Variants in PPFIA1 observed in about 807,000 individuals in gnomAD.
PPFIA1 encodes the protein liprin-alpha-1.
Under a neutral mutation model 149.9 loss-of-function variants are expected in PPFIA1, and 25 were observed. The ratio of observed to expected loss-of-function variants is 0.17; its 90% CI spans 0.12 to 0.23. The LOEUF (loss-of-function observed/expected upper bound fraction) is 0.23. Among genes scored for constraint, PPFIA1 ranks in the 10% least tolerant of loss-of-function variants. The pLI is 1.00. For missense variants in PPFIA1, 1,362 were observed against 1,506.5 expected, an observed-to-expected ratio of 0.90 and a Z score of 1.59; for synonymous variants, 549 against 552.8, an observed-to-expected ratio of 0.99 and a Z score of 0.10.
intron 2 of PPFIA1, among the ~76,000 whole-genome samples, chr11:70,292,761 G>T (rs2051621930): frequency 6.6e-6 from 1 of 152,114 alleles, no homozygotes; most frequent in Non-Finnish European, 1.5e-5. Context: ...ACTCACTCAG[G>T]ATCCCATAGA....
intron 12 of PPFIA1, among the ~76,000 whole-genome samples, chr11:70,338,047 A>C (rs2055089343): frequency 6.6e-6 from 1 of 152,238 alleles, no homozygotes; most frequent in South Asian, 2.1e-4. Flanking sequence ...CAGGACGTGA[A>C]TATTGTTCCC....
chr11:70,299,566 G>A (rs1380228187), intron 2 of PPFIA1, among the ~76,000 whole-genome samples: 5 of 152,118 alleles, frequency 3.3e-5, no homozygotes, highest in Non-Finnish European at 7.4e-5. Flanking sequence ...TTCCCTTCTG[G>A]ATGCTCCGGG....
At chr11:70,312,738 G>T (rs1402471567) in intron 2 of PPFIA1, among the ~76,000 whole-genome samples, 1 of 152,176 alleles carries the variant, frequency 6.6e-6, no homozygotes, top group South Asian at 2.1e-4. Flanking sequence ...TTGTGAATGG[G>T]TGTGCCTTTG....
In PPFIA1 at chr11:70,348,274, G is replaced by T; in HGVS notation, c.2017G>T (p.Gly673Cys). ...RVGSGSLDNL[G>C]RFRSMSSIPP... ...TGGCAGTGGAAGTCTAGACAATCTT[G>T]GTCGTTTTAGATCAATGAGCTCCAT... Residue 673 changes from glycine (G) to cysteine (C), a missense_variant, in exon 16 of 28, where the codon GGT (glycine) becomes TGT (cysteine). This residue lies in a region of PPFIA1 where 733 missense variants were observed against 744.1 expected (regional missense o/e 0.99). Coordinates refer to ENST00000253925, the MANE Select transcript of PPFIA1 (RefSeq NM_003626.5). 1 of 1,614,202 alleles carries T rather than the reference G, an allele frequency of 6.2e-7. No homozygotes were observed. The highest frequency in any genetic ancestry group is 8.5e-7 in the Non-Finnish European group (1 of 1,180,034).
At chr11:70,333,234 A>G in intron 9 of PPFIA1, 2 of 581,628 alleles carry the variant, frequency 3.4e-6, no homozygotes. Flanking sequence ...GAAAACACCC[A>G]GTCAGTCGCC....
chr11:70,362,447 A>C lies in PPFIA1; in HGVS notation c.2824A>C (p.Met942Leu). ...LKLRLAIQEI[M>L]SLTSPSAPPT... ...GCTGAGGCTGGCCATCCAGGAGATC[A>C]TGTCGCTGACCAGCCCGTCTGCCCC... is the stretch of plus-strand genomic sequence containing the variant. The change falls in exon 21 of 28, where the codon ATG (methionine) becomes CTG (leucine). Residue 942 changes from methionine to leucine, a missense_variant. Met to Leu is a conservative substitution (Grantham distance 15). Transcript: ENST00000253925. 1 of 1,614,148 alleles carries C rather than the reference A, an allele frequency of 6.2e-7. No homozygotes were observed. The highest frequency in any genetic ancestry group is 8.5e-7 in the Non-Finnish European group (1 of 1,180,020).
chr11:70,295,187 AC>A (rs1210177691), intron 2 of PPFIA1, among the ~76,000 whole-genome samples: 16 of 122,556 alleles, frequency 1.3e-4, no homozygotes, highest in Admixed American at 7.5e-4. Flanking sequence ...CGGGGGGCTG[AC>A]CCCCCCACCT....
chr11:70,362,049 C>T, intron 19 of PPFIA1, 46 bp from the exon 20 acceptor site: 1 of 1,573,454 alleles, frequency 6.4e-7, no homozygotes. Flanking sequence ...GTGTGAGCTA[C>T]CATGCCTGGC....
rs1355863681 is a variant in PPFIA1 at position 70,355,295 on chromosome 11, A to G, written c.2316-344A>G. 1.3e-5 allele frequency among the ~76,000 whole-genome samples: 2 copies of G among 152,180 alleles called. 1 individual carries two copies. ...TAATTTTTGCAGTAACCCCTCAGGCAGTTAACATTGCCACGGTTCTCAGCT... is the reference window on the plus strand; with the variant it reads ...TAATTTTTGCAGTAACCCCTCAGGCGGTTAACATTGCCACGGTTCTCAGCT... On this transcript the variant is annotated intron_variant, in intron 17 of 27. Coordinates refer to ENST00000253925, the MANE Select transcript of PPFIA1 (RefSeq NM_003626.5).
intron 2 of PPFIA1, among the ~76,000 whole-genome samples, chr11:70,288,642 A>G (rs1176054119): frequency 6.6e-6 from 1 of 152,202 alleles, no homozygotes; most frequent in Admixed American, 6.5e-5. Context: ...TGTGTGAAGA[A>G]GAGTGTTCTC....
intron 14 of PPFIA1, chr11:70,342,084 A>AG (rs1295271119): frequency 6.5e-6 from 1 of 152,722 alleles, no homozygotes; most frequent in African/African-American, 2.4e-5. Context: ...CGTGGGTGAA[A>AG]GGAGACCCGC....
At chr11:70,291,941 G>A (rs866832663) in intron 2 of PPFIA1, among the ~76,000 whole-genome samples, 2 of 150,496 alleles carry the variant, frequency 1.3e-5, no homozygotes, top group Non-Finnish European at 1.5e-5. Context: ...ATGTTCAAGC[G>A]ATTCTCCTGC....
intron 2 of PPFIA1, among the ~76,000 whole-genome samples, chr11:70,294,542 C>CTT (rs1368977052): frequency 1.3e-5 from 1 of 78,324 alleles, no homozygotes. Context: ...TGAGAATTTT[C>CTT]TTTCTTTTTT....
Position 70,339,259 on chromosome 11 carries a change from C to A in PPFIA1, c.1660C>A (p.Arg554Ser). 1 of 1,614,118 alleles carries A rather than the reference C, an allele frequency of 6.2e-7. No homozygotes were observed. The highest frequency in any genetic ancestry group is 8.5e-7 in the Non-Finnish European group (1 of 1,179,948). Residue 554 changes from arginine to serine, a missense_variant, in exon 14 of 28, where the codon CGC becomes AGC. Physicochemically the swap from Arg to Ser is moderately radical, Grantham distance 110 (BLOSUM62 -1). Around this residue, in one of 7 missense-constraint regions of PPFIA1, gnomAD observed 733 missense variants for 744.1 expected, o/e 0.99. Transcript: ENST00000253925. Reference sequence around the variant, plus strand: ...CTACAGCACCAGTGCAGTGCTGCGGCGCCCACAGAAAGGCCGGCTGGCAGC... The same window carrying A: ...CTACAGCACCAGTGCAGTGCTGCGGAGCCCACAGAAAGGCCGGCTGGCAGC... ...DSYSTSAVLR[R>S]PQKGRLAALR...
chr11:70,284,927 C>G (rs2051003657), intron 2 of PPFIA1, among the ~76,000 whole-genome samples: 2 of 152,130 alleles, frequency 1.3e-5, no homozygotes, highest in Admixed American at 6.6e-5. Context: ...CTTAGGGCTT[C>G]AGTACTTTGC....
chr11:70,364,516 C>T (rs562358195), intron 21 of PPFIA1: 5 of 152,278 alleles, frequency 3.3e-5, no homozygotes, highest in African/African-American at 1.2e-4. Flanking sequence ...AGCACGTCAG[C>T]GCTGGATTTA....
intron 24 of PPFIA1, among the ~76,000 whole-genome samples, chr11:70,376,050 G>A (rs919523336): frequency 2.0e-5 from 3 of 151,068 alleles, no homozygotes; most frequent in African/African-American, 7.3e-5. Flanking sequence ...GTGCAATGGT[G>A]CAATCTTGGC....
rs1447191084 is a variant in PPFIA1, at chr11:70,270,863, CCGCCCGCGAGCCGCCGCGGAGCCTCCT to C, written c.-44_-18del. ...TCCCAAGCTCTCCCGGAGCGAGCAG[CCGCCCGCGAGCCGCCGCGGAGCCTCCT>C]CGCCCGCTCCCGCCGGCGAGCAAGG... is the stretch of plus-strand genomic sequence containing the variant. On this transcript the variant is annotated 5_prime_UTR_variant, in exon 1 of 28. Coordinates refer to ENST00000253925, the MANE Select transcript of PPFIA1 (RefSeq NM_003626.5). The C allele has an allele frequency of 6.6e-6, 1 of 150,748 alleles. No homozygotes were observed. The highest frequency in any genetic ancestry group is 1.5e-5 in the Non-Finnish European group (1 of 67,502). The allele number at this position is 150,748 out of a possible 1,614,324, so 9.3% of individuals were successfully genotyped here. A position where few individuals can be genotyped will look rare whatever the true frequency, so the allele number is the denominator to read the frequency against.
At position 70,337,374 on chromosome 11, in the gene PPFIA1, T is replaced by G. The variant is rs1221352934; in HGVS notation, c.1438T>G (p.Leu480Val). 1 of 1,594,592 alleles carries G rather than the reference T, an allele frequency of 6.3e-7. No individual in the cohort carries two copies. Among genetic ancestry groups the G allele is most frequent in the East Asian group, 2.3e-5 (1 of 44,262 alleles). ...ATCTGTCTTTTTTCAGAACTCTCTT[T>G]TAAGAGAAGTTGAAAGTGCAAAAAA... ...MAALEDKNSL[L>V]REVESAKKQL... The change falls in exon 12 of 28, where the codon TTA becomes GTA. Residue 480 changes from leucine (L) to valine (V), a missense_variant. Leu to Val is a conservative substitution (Grantham distance 32). This residue lies in a region of PPFIA1 where 733 missense variants were observed against 744.1 expected (regional missense o/e 0.99). Transcript: ENST00000253925.
Sources: allele counts gnomAD v4.1 joint callset (sites outside exome capture counted in the v4.1 genomes callset), GRCh38; gene constraint gnomAD v4.1.1; regional missense constraint gnomAD v4.1.1; transcripts MANE v1.5; gene names NCBI Gene and HGNC (gene_info 2026-07-23, HGNC 2026-07-21).